HDAC9: variants seen among roughly 807,000 people sequenced by gnomAD.
HDAC9 encodes the protein histone deacetylase 9, also known as MEF-2 interacting transcription repressor (MITR) protein.
In HDAC9, 41 loss-of-function variants were observed where a neutral mutation model predicts 139.4. The ratio of observed to expected loss-of-function variants is 0.29; its 90% CI spans 0.23 to 0.38. The LOEUF (loss-of-function observed/expected upper bound fraction) is 0.38. Ranked by LOEUF, HDAC9 falls within the 10% of genes least tolerant of loss-of-function variation. HDAC9 has a pLI of 1.00. For missense variants in HDAC9, 1,147 were observed against 1,297.0 expected (o/e 0.88, Z 1.78); for synonymous variants, 517 against 476.2 (o/e 1.09, Z -1.12).
At chr7:18,444,931 A>C (rs1324343129) in intron 1 of HDAC9, among the ~76,000 whole-genome samples, 1 of 152,126 alleles carries the variant, frequency 6.6e-6, no homozygotes, top group African/African-American at 2.4e-5. Context: ...CATCTCTTTC[A>C]TTTAGTGACT....
At chr7:18,284,993 G>T (rs1316964795) in intron 2 of HDAC9, among the ~76,000 whole-genome samples, 2 of 152,116 alleles carry the variant, frequency 1.3e-5, no homozygotes, top group Admixed American at 6.5e-5. Flanking sequence ...CTTCTGAATT[G>T]CCAGACAAGC....
At chr7:18,861,601 T>A (rs962570951) in intron 21 of HDAC9, among the ~76,000 whole-genome samples, 1 of 152,032 alleles carries the variant, frequency 6.6e-6, no homozygotes, top group Non-Finnish European at 1.5e-5. Flanking sequence ...TTGAGAAAAA[T>A]TTCTCTCTCA....
intron 12 of HDAC9, among the ~76,000 whole-genome samples, chr7:18,699,134 G>A (rs1042582326): frequency 1.3e-5 from 2 of 152,096 alleles, no homozygotes; most frequent in Admixed American, 6.6e-5. Context: ...ACTGGCTGGG[G>A]CAACCATTGA....
At chr7:18,364,682 G>C (rs1784041630) in intron 1 of HDAC9, among the ~76,000 whole-genome samples, 1 of 152,038 alleles carries the variant, frequency 6.6e-6, no homozygotes, top group Non-Finnish European at 1.5e-5. Flanking sequence ...TCATTTTAAA[G>C]CTTGAGAAGG....
rs563659338 is a variant in HDAC9 at position 18,547,714 on chromosome 7, CA to C, written c.23-37566del. Among the ~76,000 whole-genome samples, 380 of 152,278 alleles carry C rather than the reference CA, an allele frequency of 2.5e-3. 1 individual carries two copies. The highest frequency in any genetic ancestry group is 8.7e-3 in the African/African-American group (362 of 41,572). On this transcript the variant is annotated intron_variant, in intron 2 of 25. Coordinates refer to ENST00000686413, the MANE Select transcript of HDAC9 (RefSeq NM_178425.4). ...TTCTCAAACCCTGCTTCTGCTTTAT[CA>C]GCTAAGTTTATGTAATATTCTGAAT...
At chr7:18,119,356 A>T (rs1266072420) in intron 1 of HDAC9, among the ~76,000 whole-genome samples, 3 of 152,228 alleles carry the variant, frequency 2.0e-5, no homozygotes, top group Admixed American at 2.0e-4. Flanking sequence ...GATCTGACCA[A>T]GCAATGTATG....
chr7:18,360,472 C>T (rs1048471538), intron 1 of HDAC9, among the ~76,000 whole-genome samples: 6 of 152,146 alleles, frequency 3.9e-5, no homozygotes, highest in African/African-American at 1.4e-4. Flanking sequence ...ACTTTCTGAA[C>T]ATCTCTTTAG....
chr7:18,111,541 G>C (rs1263305833), intron 1 of HDAC9, among the ~76,000 whole-genome samples: 1 of 152,046 alleles, frequency 6.6e-6, no homozygotes, highest in Non-Finnish European at 1.5e-5. Flanking sequence ...GGGTAAAAGG[G>C]TATAGTGTTT....
chr7:18,385,665 T>C (rs1052330995), intron 1 of HDAC9, among the ~76,000 whole-genome samples: 11 of 152,230 alleles, frequency 7.2e-5, no homozygotes, highest in Admixed American at 3.3e-4. Flanking sequence ...AACTATTCGC[T>C]AATAGCCATT....
At chr7:18,584,330 G>A (rs1004901134) in intron 2 of HDAC9, among the ~76,000 whole-genome samples, 9 of 151,466 alleles carry the variant, frequency 5.9e-5, no homozygotes, top group African/African-American at 1.5e-4. Flanking sequence ...GGGTTTCACC[G>A]TGTTGGCCAG....
At chr7:18,958,445 C>G (rs1783309134) in intron 24 of HDAC9, among the ~76,000 whole-genome samples, 1 of 152,070 alleles carries the variant, frequency 6.6e-6, no homozygotes, top group South Asian at 2.1e-4. Flanking sequence ...TTCACCATAG[C>G]CAAGAGATGG....
intron 1 of HDAC9, among the ~76,000 whole-genome samples, chr7:18,338,845 A>AT (rs1781781208): frequency 6.6e-6 from 1 of 151,426 alleles, no homozygotes; most frequent in South Asian, 2.1e-4. Flanking sequence ...CATTATTATT[A>AT]TTTTTTTAAA....
At chr7:18,506,844 G>A (rs187772418) in intron 2 of HDAC9, among the ~76,000 whole-genome samples, 7 of 152,202 alleles carry the variant, frequency 4.6e-5, no homozygotes, top group African/African-American at 1.7e-4. Context: ...TATGAGAAAA[G>A]TAAGTGTAAG....
At chr7:18,759,375 A>G (rs548081449) in intron 14 of HDAC9, among the ~76,000 whole-genome samples, 2 of 152,210 alleles carry the variant, frequency 1.3e-5, no homozygotes, top group African/African-American at 4.8e-5. Flanking sequence ...CAGCAGCGAC[A>G]TTAGATTCCC....
chr7:18,458,168 C>G (rs984165877), intron 1 of HDAC9, among the ~76,000 whole-genome samples: 1 of 152,192 alleles, frequency 6.6e-6, no homozygotes, highest in Non-Finnish European at 1.5e-5. Context: ...GACGCTCACC[C>G]TCTCAGTGCC....
intron 22 of HDAC9, among the ~76,000 whole-genome samples, chr7:18,900,984 T>C (rs1045837118): frequency 6.6e-6 from 1 of 152,114 alleles, no homozygotes; most frequent in Admixed American, 6.6e-5. Context: ...TATACTGTTT[T>C]TGAAGTTTGG....
At chr7:18,511,199 A>C (rs1343148498) in intron 2 of HDAC9, among the ~76,000 whole-genome samples, 1 of 152,166 alleles carries the variant, frequency 6.6e-6, no homozygotes, top group Non-Finnish European at 1.5e-5. Flanking sequence ...GCTTAACCTA[A>C]CTTTTATATT....
intron 2 of HDAC9, among the ~76,000 whole-genome samples, chr7:18,226,819 C>T (rs1407596290): frequency 6.6e-6 from 1 of 152,182 alleles, no homozygotes; most frequent in African/African-American, 2.4e-5. Context: ...GATATGTAGG[C>T]AGTGACCAGA....
chr7:18,744,078 A>C (rs1286466407), intron 13 of HDAC9, among the ~76,000 whole-genome samples: 1 of 138,596 alleles, frequency 7.2e-6, no homozygotes, highest in Non-Finnish European at 1.5e-5. Context: ...GTGCAACAGC[A>C]CTCCCAGGTT....
Sources: gnomAD v4.1 joint callset for allele counts (sites outside exome capture counted in the v4.1 genomes callset) on GRCh38, gnomAD v4.1.1 for gene constraint, MANE v1.5 for transcripts, NCBI Gene and HGNC (gene_info 2026-07-23, HGNC 2026-07-21) for gene names.